CLPB: variants seen among roughly 807,000 people sequenced by gnomAD.
CLPB encodes mitochondrial disaggregase.
In CLPB, 40 loss-of-function variants were observed where a neutral mutation model predicts 78.4. The ratio of observed to expected loss-of-function variants is 0.51; its 90% CI spans 0.40 to 0.66. The LOEUF (loss-of-function observed/expected upper bound fraction) is 0.66, where lower values mean the gene tolerates loss of function less well. CLPB is among the 30% of genes least tolerant of loss of function. The probability of loss-of-function intolerance (pLI) is 0.00; values close to 1 mark genes in which losing one functional copy is unlikely to be tolerated. For synonymous variants in CLPB, 333 were observed against 348.0 expected, an observed-to-expected ratio of 0.96 and a Z score of 0.48; for missense variants, 780 against 886.9, an observed-to-expected ratio of 0.88 and a Z score of 1.53.
At chr11:72,403,116 C>G in intron 2 of CLPB, 64 bp from the exon 3 acceptor site, 1 of 1,461,604 alleles carries the variant, frequency 6.8e-7, no homozygotes, top group East Asian at 2.3e-5. Context: ...TGACAACAGC[C>G]TAAAACAAGA....
intron 3 of CLPB, among the ~76,000 whole-genome samples, chr11:72,387,616 G>A (rs1214721326): frequency 7.3e-5 from 11 of 151,516 alleles, no homozygotes; most frequent in Non-Finnish European, 1.0e-4. Context: ...GATGGCTGCC[G>A]TGCAGGTTAT....
intron 3 of CLPB, among the ~76,000 whole-genome samples, chr11:72,395,468 T>A (rs1855378527): frequency 6.6e-6 from 1 of 152,234 alleles, no homozygotes; most frequent in South Asian, 2.1e-4. Context: ...CTGGACAACC[T>A]TGGACAACTC....
At chr11:72,313,731 C>T (rs1949888854) in intron 7 of CLPB, among the ~76,000 whole-genome samples, 1 of 152,206 alleles carries the variant, frequency 6.6e-6, no homozygotes, top group African/African-American at 2.4e-5. Context: ...TATAGGCATA[C>T]AATCCATAAT....
chr11:72,358,598 T>C (rs1950767305), intron 5 of CLPB, among the ~76,000 whole-genome samples: 1 of 152,060 alleles, frequency 6.6e-6, no homozygotes, highest in Non-Finnish European at 1.5e-5. Flanking sequence ...ACAGGCAGGA[T>C]GACATGGTGT....
rs61893850 is a variant in CLPB at position 72,341,361 on chromosome 11, G to T, written c.776-11557C>A. 4.2e-3 allele frequency among the ~76,000 whole-genome samples: 637 copies of T among 152,302 alleles called. 3 individuals carry two copies. Among genetic ancestry groups the T allele is most frequent in the Non-Finnish European group, 5.5e-3 (371 of 68,008 alleles). The stretch of plus-strand genomic sequence containing the variant: ...AGCAGAATCAGAGGAGCAAGAGGAA[G>T]AGGGTGTGTAAGGAGGAGATTCATG... On this transcript the variant is annotated intron_variant, in intron 5 of 15. Transcript: ENST00000538039.
Position 72,434,349 on chromosome 11 carries a change from G to A in CLPB, c.126C>T (p.Leu42=), listed in dbSNP as rs888495168. Residue 42 remains leucine (L), a synonymous_variant, in exon 1 of 16, where the codon CTC becomes CTT. Transcript: ENST00000538039. ...CTACCCTCAGCCACTGCGGCTCCCC[G>A]AGACTCCCAGTAGTCACATTCCGGC... ...ASGRNVTTGS[L]GEPQWLRVAT... is the part of the protein sequence containing the mutation. 3 of 1,611,954 alleles carry A rather than the reference G, an allele frequency of 1.9e-6. No individual in the cohort carries two copies. The highest frequency in any genetic ancestry group is 2.5e-6 in the Non-Finnish European group (3 of 1,179,606).
At chr11:72,342,088 G>C (rs905645335) in intron 5 of CLPB, among the ~76,000 whole-genome samples, 1 of 152,282 alleles carries the variant, frequency 6.6e-6, no homozygotes, top group Admixed American at 6.5e-5. Flanking sequence ...TAGTTTGAGC[G>C]ACCAGTAGAC....
At position 72,413,623 on chromosome 11, in the gene CLPB, A is replaced by G. The variant is rs539457537; in HGVS notation, c.456-10571T>C. Among the ~76,000 whole-genome samples the G allele has an allele frequency of 8.1e-4, 123 of 152,328 alleles. 1 individual carries two copies. Among genetic ancestry groups the G allele is most frequent in the South Asian group, 2.5e-3 (12 of 4,830 alleles). ...AATTTCTTCAATTATCCCAATATTC[A>G]TTATAGCAATCTCCCCCTGTGATCC... On this transcript the variant is annotated intron_variant, in intron 2 of 15. Transcript: ENST00000538039.
rs1949386050 is a variant in CLPB at position 72,286,221 on chromosome 11, C to CTGTTTT, written c.*7140_*7145dup. ...AGATTACAGGTGTGAGATACTGCAC[C>CTGTTTT]TGTTTTTTTTTTTTTTTTTTTTTTT... On this transcript the variant is annotated 3_prime_UTR_variant, in exon 16 of 16. Transcript: ENST00000538039. 5.1e-5 allele frequency: 3 copies of CTGTTTT among 59,118 alleles called. No homozygotes were observed. The highest frequency in any genetic ancestry group is 1.1e-4 in the Non-Finnish European group (3 of 28,452). The allele number at this position is 59,118 out of a possible 1,614,324, so 3.7% of individuals were successfully genotyped here. A position where few individuals can be genotyped will look rare whatever the true frequency, so the allele number is the denominator to read the frequency against.
At chr11:72,307,074 C>T (rs2135510228) in intron 9 of CLPB, 125 bp downstream of exon 9, 2 of 822,466 alleles carry the variant, frequency 2.4e-6, no homozygotes, top group Middle Eastern at 2.5e-4. Flanking sequence ...CTGAGGTCTG[C>T]TTCCTGGGTC....
intron 4 of CLPB, 78 bp downstream of exon 4, chr11:72,380,203 G>A (rs1590871081): frequency 4.6e-6 from 5 of 1,085,280 alleles, no homozygotes; most frequent in Non-Finnish European, 7.1e-6. Flanking sequence ...GTTGCTGGTA[G>A]AGCTGACACC....
At chr11:72,415,643 T>C (rs532740173) in intron 2 of CLPB, among the ~76,000 whole-genome samples, 1 of 152,310 alleles carries the variant, frequency 6.6e-6, no homozygotes, top group African/African-American at 2.4e-5. Context: ...AAAGTGTCCT[T>C]ACCTTTAGGT....
intron 4 of CLPB, among the ~76,000 whole-genome samples, 191 bp downstream of exon 4, chr11:72,380,090 G>A (rs1245137686): frequency 6.6e-6 from 1 of 151,528 alleles, no homozygotes. Context: ...CTTTTGAAGT[G>A]ACATAAAGTT....
At chr11:72,296,987 G>A (rs945638544) in intron 11 of CLPB, among the ~76,000 whole-genome samples, 1 of 152,214 alleles carries the variant, frequency 6.6e-6, no homozygotes, top group African/African-American at 2.4e-5. Context: ...GGCTACAGAG[G>A]TCAGACCAAT....
At position 72,434,375 on chromosome 11, in the gene CLPB, C is replaced by T; in HGVS notation, c.100G>A (p.Gly34Ser). The T allele has an allele frequency of 6.2e-7, 1 of 1,611,824 alleles. No individual in the cohort carries two copies. Reference sequence around the variant, plus strand: ...AGACTCCCAGTAGTCACATTCCGGCCGGAAGCACCTCCATGGCCCCGGAGC... The same window carrying T: ...AGACTCCCAGTAGTCACATTCCGGCTGGAAGCACCTCCATGGCCCCGGAGC... ...PTLRGHGGAS[G>S]RNVTTGSLGE... The change falls in exon 1 of 16, where the codon GGC becomes AGC. Residue 34 changes from glycine to serine, a missense_variant. Gly to Ser is a moderately conservative substitution (Grantham distance 56, BLOSUM62 0). Coordinates refer to ENST00000538039, the MANE Select transcript of CLPB (RefSeq NM_001258392.3).
intron 4 of CLPB, among the ~76,000 whole-genome samples, chr11:72,359,458 A>C (rs1801617084): frequency 6.6e-6 from 1 of 152,218 alleles, no homozygotes; most frequent in Admixed American, 6.5e-5. Flanking sequence ...CAGGTAAAGA[A>C]AGCAGGTTGG....
At chr11:72,322,790 G>C (rs1950066924) in intron 6 of CLPB, among the ~76,000 whole-genome samples, 1 of 152,084 alleles carries the variant, frequency 6.6e-6, no homozygotes, top group Non-Finnish European at 1.5e-5. Context: ...AGTATCTTGT[G>C]GGGAGAGACT....
intron 6 of CLPB, among the ~76,000 whole-genome samples, chr11:72,322,754 TA>T (rs1430182210): frequency 6.6e-6 from 1 of 152,202 alleles, no homozygotes; most frequent in Non-Finnish European, 1.5e-5. Flanking sequence ...GTTTCTTCAC[TA>T]TTTTTTTTCC....
chr11:72,427,944 G>A (rs1856435737), intron 2 of CLPB, among the ~76,000 whole-genome samples: 1 of 152,218 alleles, frequency 6.6e-6, no homozygotes, highest in Non-Finnish European at 1.5e-5. Flanking sequence ...CCTGTACAGA[G>A]TCTAGGGTAC....
Sources: gnomAD v4.1 joint callset for allele counts (sites outside exome capture counted in the v4.1 genomes callset) on GRCh38, gnomAD v4.1.1 for gene constraint, MANE v1.5 for transcripts, NCBI Gene and HGNC (gene_info 2026-07-23, HGNC 2026-07-21) for gene names.